MFSD2B: variants seen among roughly 807,000 people sequenced by gnomAD.
MFSD2B encodes MFSD2 lysolipid transporter B, sphingolipid.
MFSD2B carries 56 observed loss-of-function variants against 58.4 expected under a neutral mutation model. The observed-to-expected ratio is 0.96, with a 90% CI of 0.77 to 1.20. MFSD2B has a LOEUF of 1.20. MFSD2B is among the 50% of genes most tolerant of loss of function. The pLI, the probability that MFSD2B is intolerant of heterozygous loss-of-function variation, is 0.00. For missense variants in MFSD2B, 645 were observed against 667.6 expected, an observed-to-expected ratio of 0.97 and a Z score of 0.37; for synonymous variants, 287 against 294.4, an observed-to-expected ratio of 0.97 and a Z score of 0.26.
chr2:24,025,172 G>A (rs1434004386), intron 13 of MFSD2B, among the ~76,000 whole-genome samples: 45 of 152,202 alleles, frequency 3.0e-4, no homozygotes, highest in Admixed American at 2.9e-3. Flanking sequence ...CCTGCTGAGG[G>A]TGACGGCCTC....
At position 24,024,350 on chromosome 2, in the gene MFSD2B, A is replaced by C; in HGVS notation, c.1490+79A>C. 7.1e-7 allele frequency: 1 copy of C among 1,403,882 alleles called. No individual in the cohort carries two copies. The allele number at this position is 1,403,882 out of a possible 1,614,324, so 87.0% of individuals were successfully genotyped here. A position where few individuals can be genotyped will look rare whatever the true frequency, so the allele number is the denominator to read the frequency against. On this transcript the variant is annotated intron_variant, in intron 13 of 13. Transcript: ENST00000338315. The surrounding 1 kb of genome is among the most constrained non-coding windows in gnomAD (Gnocchi z 4.3). ...GAATGACTAACACCAGCCTGCAGAC[A>C]TCCCTGCTGTGTCACACAGTCCTGC...
Position 24,017,533 on chromosome 2 carries a change from C to A in MFSD2B, c.626C>A (p.Pro209His). ...CTCATCGTGTCCGGCGCCCACAGACCCCACAGGTGCGAGGCCACTGCGACC... is the reference window on the plus strand; with the variant it reads ...CTCATCGTGTCCGGCGCCCACAGACACCACAGGTGCGAGGCCACTGCGACC... The part of the protein sequence containing the change: ...HGLIVSGAHR[P>H]HRCEATATPG... Residue 209 changes from proline to histidine, a missense_variant, in exon 6 of 14, where the codon CCC (proline) becomes CAC (histidine). Transcript: ENST00000338315. The surrounding 1 kb of genome is among the most constrained non-coding windows in gnomAD (Gnocchi z 4.8). 1 of 1,576,164 alleles carries A rather than the reference C, an allele frequency of 6.3e-7. No individual in the cohort carries two copies. Among genetic ancestry groups the A allele is most frequent in the Non-Finnish European group, 8.6e-7 (1 of 1,160,920 alleles).
chr2:24,021,973 ACCTCTGGC>A lies in MFSD2B; in HGVS notation c.894+5_894+12del. ...TGTTCATCTCTGCTGCTGTTCAGGT[ACCTCTGGC>A]CAGCTGCCCCCGACAGGCTTGGTGC... On this transcript the variant is annotated splice_donor_5th_base_variant and intron_variant, in intron 8 of 13. Transcript: ENST00000338315. The surrounding 1 kb of genome is among the most constrained non-coding windows in gnomAD (Gnocchi z 5.7). 6.2e-7 allele frequency: 1 copy of A among 1,613,850 alleles called. No individual in the cohort carries two copies.
intron 2 of MFSD2B, among the ~76,000 whole-genome samples, chr2:24,013,762 T>G (rs1573632310): frequency 6.3e-3 from 1 of 158 alleles, no homozygotes; most frequent in Non-Finnish European, 0.02. Context: ...ATTTTTTTGT[T>G]TTTTTTTTTT....
rs1386097970 is a variant in MFSD2B at position 24,022,454 on chromosome 2, C to G, written c.916C>G (p.Leu306Val). Residue 306 changes from leucine (L) to valine (V), a missense_variant, in exon 9 of 14, where the codon CTG (leucine) becomes GTG (valine). By Grantham distance (32) the Leu-to-Val change is conservative. Coordinates refer to ENST00000338315, the MANE Select transcript of MFSD2B (RefSeq NM_001346880.2). This position sits in a 1 kb window ranked among gnomAD's most constrained non-coding sequence, Gnocchi z 4.5. ...TCAGGTGGAGCAGAGCTACCTGGTC[C>G]TGTTCTGTACACATGCCTCCCAGCT... ...AVQVEQSYLV[L>V]FCTHASQLHD... The G allele has an allele frequency of 2.5e-6, 4 of 1,613,128 alleles. No individual in the cohort carries two copies. The highest frequency in any genetic ancestry group is 3.3e-5 in the Admixed American group (2 of 59,908).
At position 24,021,700 on chromosome 2, in the gene MFSD2B, G is replaced by C. The variant is rs1251595370; in HGVS notation, c.734G>C (p.Cys245Ser). 3 of 1,613,644 alleles carry C rather than the reference G, an allele frequency of 1.9e-6. No individual in the cohort carries two copies. Among genetic ancestry groups the C allele is most frequent in the Non-Finnish European group, 2.5e-6 (3 of 1,179,762 alleles). The part of the protein sequence containing the change: ...AAVVVVTYPV[C>S]ISLLCLGVKE... The stretch of plus-strand genomic sequence containing the variant: ...GTGGTTGTAGTGACTTACCCCGTGT[G>C]CATCAGTTTACTGTGCCTAGGGGTG... The change falls in exon 7 of 14, where the codon TGC (cysteine) becomes TCC (serine). Residue 245 changes from cysteine to serine, a missense_variant. By Grantham distance (112) the Cys-to-Ser change is moderately radical (BLOSUM62 -1). Transcript: ENST00000338315. This position sits in a 1 kb window ranked among gnomAD's most constrained non-coding sequence, Gnocchi z 5.7.
In MFSD2B at chr2:24,012,166, AC is replaced by A. The variant is rs1398652910; in HGVS notation, c.97-1118del. ...AAACAAACAAAACACACACACACAC[AC>A]ACACACACACACAAAAACAGACAAA... On this transcript the variant is annotated intron_variant, in intron 1 of 13. Coordinates refer to ENST00000338315, the MANE Select transcript of MFSD2B (RefSeq NM_001346880.2). This position sits in a 1 kb window ranked among gnomAD's most constrained non-coding sequence, Gnocchi z 4.5. 0.032 allele frequency among the ~76,000 whole-genome samples: 2,308 copies of A among 71,108 alleles called. 78 individuals are homozygous for A. Among genetic ancestry groups the A allele is most frequent in the African/African-American group, 0.077 (2,180 of 28,274 alleles). 46.6% of individuals were successfully genotyped at this position (71,108 alleles called of 152,430 possible). A position where few individuals can be genotyped will look rare whatever the true frequency, so the allele number is the denominator to read the frequency against.
chr2:24,020,834 TG>T lies in MFSD2B; in HGVS notation c.682-812del, dbSNP rs1662749679. ...CACCTGCCTCAGCTTCCCAAAGAGCTGGAATGACAGGCATGAGCCACCGTGC... is the reference window on the plus strand; with the variant it reads ...CACCTGCCTCAGCTTCCCAAAGAGCTGAATGACAGGCATGAGCCACCGTGC... On this transcript the variant is annotated intron_variant, in intron 6 of 13. Transcript: ENST00000338315. The surrounding 1 kb of genome is among the most constrained non-coding windows in gnomAD (Gnocchi z 4.1). 6.6e-6 allele frequency among the ~76,000 whole-genome samples: 1 copy of T among 152,210 alleles called. No homozygotes were observed. The highest frequency in any genetic ancestry group is 2.4e-5 in the African/African-American group (1 of 41,452).
At chr2:24,015,020 G>A (rs1468811400) in intron 2 of MFSD2B, among the ~76,000 whole-genome samples, 4 of 152,202 alleles carry the variant, frequency 2.6e-5, no homozygotes, top group Non-Finnish European at 4.4e-5. Context: ...TCAGGAAGCT[G>A]AGGCAGGATA....
Position 24,020,300 on chromosome 2 carries a change from T to G in MFSD2B, c.682-1348T>G, listed in dbSNP as rs1449277456. 6.6e-6 allele frequency among the ~76,000 whole-genome samples: 1 copy of G among 152,140 alleles called. No individual in the cohort carries two copies. The highest frequency in any genetic ancestry group is 1.5e-5 in the Non-Finnish European group (1 of 68,014). On this transcript the variant is annotated intron_variant, in intron 6 of 13. Coordinates refer to ENST00000338315, the MANE Select transcript of MFSD2B (RefSeq NM_001346880.2). The surrounding 1 kb of genome is among the most constrained non-coding windows in gnomAD (Gnocchi z 4.1). The stretch of plus-strand genomic sequence containing the variant: ...ACCCACTGTCCCATCAGATTTCACT[T>G]ACAAAATTGAAATCCATTATAAAAT...
In MFSD2B at chr2:24,025,751, A is replaced by G. The variant is rs1344387335; in HGVS notation, c.*295A>G. The G allele has an allele frequency of 7.7e-6, 3 of 391,680 alleles. No individual in the cohort carries two copies. Among genetic ancestry groups the G allele is most frequent in the Non-Finnish European group, 1.4e-5 (3 of 216,808 alleles). 24.3% of individuals were successfully genotyped at this position (391,680 alleles called of 1,614,324 possible). A position where few individuals can be genotyped will look rare whatever the true frequency, so the allele number is the denominator to read the frequency against. Reference sequence around the variant, plus strand: ...TGCCCAACCTGGCTTGTGGACCAGTAATATCTGTGGCCTACCACCCATTCA... The same window carrying G: ...TGCCCAACCTGGCTTGTGGACCAGTGATATCTGTGGCCTACCACCCATTCA... On this transcript the variant is annotated 3_prime_UTR_variant, in exon 14 of 14. Transcript: ENST00000338315.
chr2:24,022,013 T>C lies in MFSD2B; in HGVS notation c.894+43T>C, dbSNP rs751272669. The C allele has an allele frequency of 6.2e-7, 1 of 1,612,588 alleles. No homozygotes were observed. The highest frequency in any genetic ancestry group is 8.5e-7 in the Non-Finnish European group (1 of 1,178,976). The stretch of plus-strand genomic sequence containing the variant: ...CCCCCGACAGGCTTGGTGCTGGCCA[T>C]GCTGACCTTGCATAGGTTCAGGGTG... On this transcript the variant is annotated intron_variant, in intron 8 of 13. Transcript: ENST00000338315. The surrounding 1 kb of genome is among the most constrained non-coding windows in gnomAD (Gnocchi z 4.5).
Position 24,022,939 on chromosome 2 carries a change from G to A in MFSD2B, c.1059+37G>A. On this transcript the variant is annotated intron_variant, in intron 10 of 13. Coordinates refer to ENST00000338315, the MANE Select transcript of MFSD2B (RefSeq NM_001346880.2). The surrounding 1 kb of genome is among the most constrained non-coding windows in gnomAD (Gnocchi z 4.5). ...GGGAATCAAGGATTGGGGGTGGCCGGAGGGGAGAGGTGAGCGAGGTGACCT... is the reference window on the plus strand; with the variant it reads ...GGGAATCAAGGATTGGGGGTGGCCGAAGGGGAGAGGTGAGCGAGGTGACCT... The A allele has an allele frequency of 6.3e-7, 1 of 1,576,460 alleles. No homozygotes were observed. The highest frequency in any genetic ancestry group is 1.2e-5 in the South Asian group (1 of 85,830).
rs1413878080 is a variant in MFSD2B at position 24,021,804 on chromosome 2, C to T, written c.773-45C>T. ...GGGCTCTGCTTGGGGGCAGGTTTTG[C>T]TTTTGAACTCTGCGAAGCCAAGGTG... is the stretch of plus-strand genomic sequence containing the variant. On this transcript the variant is annotated intron_variant, in intron 7 of 13. Coordinates refer to ENST00000338315, the MANE Select transcript of MFSD2B (RefSeq NM_001346880.2). This position sits in a 1 kb window ranked among gnomAD's most constrained non-coding sequence, Gnocchi z 5.7. 3 of 1,613,164 alleles carry T rather than the reference C, an allele frequency of 1.9e-6. No homozygotes were observed. The highest frequency in any genetic ancestry group is 2.5e-6 in the Non-Finnish European group (3 of 1,179,370).
At chr2:24,010,703 T>C (rs111895441) in intron 1 of MFSD2B, among the ~76,000 whole-genome samples, 7,817 of 152,238 alleles carry the variant, frequency 0.051, 272 homozygotes, top group Middle Eastern at 0.078. Context: ...GGCGGGGTCT[T>C]CGGGGCCCCT....
In MFSD2B at chr2:24,024,248, C is replaced by A. The variant is rs748566716; in HGVS notation, c.1467C>A (p.Ala489=). 1 of 1,608,932 alleles carries A rather than the reference C, an allele frequency of 6.2e-7. No individual in the cohort carries two copies. The highest frequency in any genetic ancestry group is 2.2e-5 in the East Asian group (1 of 44,664). Residue 489 remains alanine (A), a synonymous_variant, in exon 13 of 14, where the codon GCC becomes GCA. Transcript: ENST00000338315. This position sits in a 1 kb window ranked among gnomAD's most constrained non-coding sequence, Gnocchi z 4.3. ...CTCCAAAGACACCCAGTCGGGACGC[C>A]TCCAGCCGGCTGAGCCTTCGGAGGT... ...GSTPKTPSRD[A]SSRLSLRRRT...
intron 2 of MFSD2B, among the ~76,000 whole-genome samples, chr2:24,013,803 G>T (rs1709041213): frequency 1.4e-5 from 2 of 138,126 alleles, no homozygotes; most frequent in South Asian, 2.4e-4. Context: ...TAGTGTTAGT[G>T]TATTTTATGT....
intron 2 of MFSD2B, among the ~76,000 whole-genome samples, chr2:24,013,962 C>G (rs1709051212): frequency 6.6e-6 from 1 of 150,850 alleles, no homozygotes; most frequent in Admixed American, 6.6e-5. Flanking sequence ...ATGCCTCAGC[C>G]TCCCGAGTAG....
In MFSD2B at chr2:24,021,128, C is replaced by G. The variant is rs1254082771; in HGVS notation, c.682-520C>G. 2.0e-5 allele frequency among the ~76,000 whole-genome samples: 3 copies of G among 151,386 alleles called. No homozygotes were observed. Among genetic ancestry groups the G allele is most frequent in the African/African-American group, 7.3e-5 (3 of 41,112 alleles). On this transcript the variant is annotated intron_variant, in intron 6 of 13. Coordinates refer to ENST00000338315, the MANE Select transcript of MFSD2B (RefSeq NM_001346880.2). The surrounding 1 kb of genome is among the most constrained non-coding windows in gnomAD (Gnocchi z 5.7). ...GGCCAGGCTGGTCTGGAACTCCTGA[C>G]CTCAAATGATCCACCCACCTTGGCC...
Sources: allele counts gnomAD v4.1 joint callset (sites outside exome capture counted in the v4.1 genomes callset), GRCh38; gene constraint gnomAD v4.1.1; non-coding constraint Gnocchi (gnomAD v3.1); transcripts MANE v1.5; gene names NCBI Gene and HGNC (gene_info 2026-07-23, HGNC 2026-07-21).